Variants in GAS7 observed in about 807,000 individuals in gnomAD.
GAS7 encodes the protein growth arrest-specific protein 7.
Under a neutral mutation model 71.1 loss-of-function variants are expected in GAS7, and 28 were observed. The ratio of observed to expected loss-of-function variants is 0.39; its 90% CI spans 0.29 to 0.54. The LOEUF is 0.54. GAS7 is among the 20% of genes least tolerant of loss of function. The pLI is 0.62. For missense variants in GAS7, 436 were observed against 627.8 expected (o/e 0.69, Z 3.27); for synonymous variants, 258 against 245.8 (o/e 1.05, Z -0.46).
At chr17:10,015,121 C>T (rs934121120) in intron 2 of GAS7, among the ~76,000 whole-genome samples, 1 of 151,602 alleles carries the variant, frequency 6.6e-6, no homozygotes, top group South Asian at 2.1e-4. Flanking sequence ...CACCACTGCA[C>T]TCCAGTCTGG....
chr17:9,944,859 G>A (rs772487253), intron 6 of GAS7, among the ~76,000 whole-genome samples: 3 of 152,228 alleles, frequency 2.0e-5, no homozygotes, highest in Non-Finnish European at 4.4e-5. Flanking sequence ...GGATGGATAT[G>A]CTGAGCTATG....
At chr17:9,947,502 T>G (rs1055743070) in intron 5 of GAS7, among the ~76,000 whole-genome samples, 4 of 152,146 alleles carry the variant, frequency 2.6e-5, no homozygotes, top group Admixed American at 2.0e-4. Flanking sequence ...CCCAGCACTT[T>G]GGGAGGCCGA....
chr17:9,924,602 A>C (rs1168944755), intron 11 of GAS7: 2 of 141,906 alleles, frequency 1.4e-5, no homozygotes, highest in African/African-American at 5.3e-5. Flanking sequence ...TGTGCATTAT[A>C]AGATTTGTAT....
intron 1 of GAS7, among the ~76,000 whole-genome samples, chr17:10,073,423 A>T (rs188964272): frequency 1.3e-5 from 2 of 152,300 alleles, no homozygotes; most frequent in East Asian, 3.9e-4. Flanking sequence ...CACAGGACTT[A>T]TTCTCCAAGC....
Position 9,981,720 on chromosome 17 carries a change from A to G in GAS7, c.385+84T>C. Reference sequence around the variant, plus strand: ...GTTTGCTACATCAGCCAGGTTTAAGACCCAGGACCCATCATCTCAGCCTCT... The same window carrying G: ...GTTTGCTACATCAGCCAGGTTTAAGGCCCAGGACCCATCATCTCAGCCTCT... On this transcript the variant is annotated intron_variant, in intron 3 of 13. Coordinates refer to ENST00000432992, the MANE Select transcript of GAS7 (RefSeq NM_201433.2). The surrounding 1 kb of genome is among the most constrained non-coding windows in gnomAD (Gnocchi z 4.4). 1 of 847,278 alleles carries G rather than the reference A, an allele frequency of 1.2e-6. No individual in the cohort carries two copies. The highest frequency in any genetic ancestry group is 2.4e-5 in the East Asian group (1 of 41,274). The allele number at this position is 847,278 out of a possible 1,614,324, so 52.5% of individuals were successfully genotyped here. A position where few individuals can be genotyped will look rare whatever the true frequency, so the allele number is the denominator to read the frequency against.
At chr17:10,117,805 C>T (rs945901871) in intron 1 of GAS7, among the ~76,000 whole-genome samples, 3 of 152,104 alleles carry the variant, frequency 2.0e-5, no homozygotes. Context: ...CAGTCCAAGG[C>T]TACAGTGGTA....
chr17:10,026,029 C>A lies in GAS7; in HGVS notation c.184-6132G>T, dbSNP rs999573380. On this transcript the variant is annotated intron_variant, in intron 1 of 13. Transcript: ENST00000432992. This position sits in a 1 kb window ranked among gnomAD's most constrained non-coding sequence, Gnocchi z 4.5. ...CTCTGCAGCCTCCAGGCAGTACAGACCCTGCTACTCCGCTCCCTACCGCTC... is the reference window on the plus strand; with the variant it reads ...CTCTGCAGCCTCCAGGCAGTACAGAACCTGCTACTCCGCTCCCTACCGCTC... 15 of 239,958 alleles carry A rather than the reference C, an allele frequency of 6.3e-5. No individual in the cohort carries two copies. Among genetic ancestry groups the A allele is most frequent in the Non-Finnish European group, 9.9e-5 (15 of 151,312 alleles). 14.9% of individuals were successfully genotyped at this position (239,958 alleles called of 1,614,324 possible). A position where few individuals can be genotyped will look rare whatever the true frequency, so the allele number is the denominator to read the frequency against.
intron 5 of GAS7, among the ~76,000 whole-genome samples, chr17:9,947,255 C>T (rs2068821832): frequency 6.6e-6 from 1 of 152,164 alleles, no homozygotes. Flanking sequence ...CCAGCAATTG[C>T]ACAAGAGTCT....
intron 1 of GAS7, among the ~76,000 whole-genome samples, chr17:10,091,703 A>C (rs2073583773): frequency 6.6e-6 from 1 of 151,940 alleles, no homozygotes; most frequent in Admixed American, 6.6e-5. Flanking sequence ...TGTTTTTGAG[A>C]CAGAGTCTAG....
intron 1 of GAS7, among the ~76,000 whole-genome samples, chr17:10,084,377 C>T (rs1490927662): frequency 1.3e-5 from 2 of 152,112 alleles, no homozygotes; most frequent in Non-Finnish European, 2.9e-5. Context: ...CTGGTCCTGG[C>T]GTCTCTTTTT....
intron 1 of GAS7, among the ~76,000 whole-genome samples, chr17:10,091,412 G>A (rs1291567837): frequency 1.3e-5 from 2 of 152,182 alleles, no homozygotes; most frequent in East Asian, 1.9e-4. Context: ...TGTTTGGGAC[G>A]GAGTCTTGCT....
At chr17:10,047,437 T>C (rs2072994301) in intron 1 of GAS7, among the ~76,000 whole-genome samples, 1 of 152,168 alleles carries the variant, frequency 6.6e-6, no homozygotes, top group Non-Finnish European at 1.5e-5. Context: ...AAGCCGACAG[T>C]GTGCCAAGGC....
chr17:10,000,766 TG>T (rs2071238825), intron 2 of GAS7, among the ~76,000 whole-genome samples: 1 of 152,326 alleles, frequency 6.6e-6, no homozygotes, highest in African/African-American at 2.4e-5. Flanking sequence ...CATGTGCCCC[TG>T]GCCCTTTCTG....
chr17:9,951,688 T>A (rs1597523030), intron 5 of GAS7, among the ~76,000 whole-genome samples: 1 of 128,326 alleles, frequency 7.8e-6, no homozygotes, highest in Admixed American at 1.0e-4. Context: ...ACCTGGGAGG[T>A]GGCGGTTGCG....
intron 1 of GAS7, among the ~76,000 whole-genome samples, chr17:10,142,688 T>TG (rs2074092241): frequency 6.6e-6 from 1 of 152,098 alleles, no homozygotes; most frequent in African/African-American, 2.4e-5. Context: ...TAACATAAAA[T>TG]GACAGAACTA....
chr17:10,144,154 T>C (rs10048160), intron 1 of GAS7, among the ~76,000 whole-genome samples: 128,845 of 151,960 alleles, frequency 0.85, 54,741 homozygotes, highest in Middle Eastern at 0.88. Flanking sequence ...TCAAGGACTG[T>C]GGGGTACAGA....
intron 1 of GAS7, among the ~76,000 whole-genome samples, chr17:10,109,913 G>A (rs575454947): frequency 6.6e-6 from 1 of 152,272 alleles, no homozygotes; most frequent in African/African-American, 2.4e-5. Context: ...AATCAGCTGG[G>A]CGTGGTGGTG....
chr17:10,151,769 C>T (rs2074168278), intron 1 of GAS7, among the ~76,000 whole-genome samples: 1 of 152,188 alleles, frequency 6.6e-6, no homozygotes, highest in African/African-American at 2.4e-5. Context: ...TAGTCTTGAA[C>T]TCCTGGCTTC....
chr17:10,115,194 G>A (rs1470908536), intron 1 of GAS7, among the ~76,000 whole-genome samples: 4 of 152,250 alleles, frequency 2.6e-5, no homozygotes, highest in Admixed American at 1.3e-4. Flanking sequence ...ATGGGATGGA[G>A]GAAAACAGCT....
Sources: allele counts gnomAD v4.1 joint callset (sites outside exome capture counted in the v4.1 genomes callset), GRCh38; gene constraint gnomAD v4.1.1; non-coding constraint Gnocchi (gnomAD v3.1); transcripts MANE v1.5; gene names NCBI Gene and HGNC (gene_info 2026-07-23, HGNC 2026-07-21).